IQCM: variants seen among roughly 807,000 people sequenced by gnomAD.
IQCM encodes IQ motif containing M.
In IQCM, 45 loss-of-function variants were observed where a neutral mutation model predicts 57.6. The observed-to-expected ratio is 0.78, with a 90% CI of 0.62 to 1.00. The LOEUF (loss-of-function observed/expected upper bound fraction) is 1.00, where lower values mean the gene tolerates loss of function less well. IQCM is among the 50% of genes least tolerant of loss of function. The probability of loss-of-function intolerance (pLI) is 0.00; values close to 1 mark genes in which losing one functional copy is unlikely to be tolerated. For synonymous variants in IQCM, 148 were observed against 158.9 expected, an observed-to-expected ratio of 0.93 and a Z score of 0.51; for missense variants, 468 against 511.6, an observed-to-expected ratio of 0.91 and a Z score of 0.82.
intron 7 of IQCM, among the ~76,000 whole-genome samples, chr4:149,678,393 CAG>C (rs1171433086): frequency 2.0e-5 from 3 of 151,800 alleles, no homozygotes; most frequent in African/African-American, 7.2e-5. Flanking sequence ...AGTGCTGAAA[CAG>C]AAAATCTATT....
intron 12 of IQCM, among the ~76,000 whole-genome samples, chr4:149,465,287 A>T (rs996685369): frequency 6.6e-6 from 1 of 152,212 alleles, no homozygotes; most frequent in Non-Finnish European, 1.5e-5. Flanking sequence ...AGCATAATTT[A>T]TATAAATAAT....
chr4:149,361,458 C>T (rs150125429), intron 13 of IQCM, among the ~76,000 whole-genome samples: 2,820 of 152,184 alleles, frequency 0.019, 105 homozygotes, highest in African/African-American at 0.065. Flanking sequence ...CCTGGAGGCC[C>T]AGGAGGAAAA....
intron 12 of IQCM, among the ~76,000 whole-genome samples, chr4:149,537,015 A>G (rs1284827131): frequency 6.6e-6 from 1 of 152,062 alleles, no homozygotes; most frequent in Non-Finnish European, 1.5e-5. Flanking sequence ...TTGTAACAAC[A>G]AAGTATCTAA....
rs191723287 is a variant in IQCM, at chr4:149,560,021, T to C, written c.948+3671A>G. Among the ~76,000 whole-genome samples, 6 of 152,302 alleles carry C rather than the reference T, an allele frequency of 3.9e-5. No homozygotes were observed. The East Asian group carries it at 1.2e-3, about 29-fold the overall frequency. ...AAGCAGAACAGTTTCATCCTGAAAATATCCCTGCCCCTGCTCTGGTCCATG... is the reference window on the plus strand; with the variant it reads ...AAGCAGAACAGTTTCATCCTGAAAACATCCCTGCCCCTGCTCTGGTCCATG... On this transcript the variant is annotated intron_variant, in intron 10 of 13. Transcript: ENST00000636793.
At chr4:149,526,062 T>G (rs1746129494) in intron 12 of IQCM, among the ~76,000 whole-genome samples, 1 of 151,916 alleles carries the variant, frequency 6.6e-6, no homozygotes, top group Non-Finnish European at 1.5e-5. Flanking sequence ...CATTGGGAAT[T>G]TAGAAATAAA....
At chr4:149,465,093 G>T (rs1459369639) in intron 12 of IQCM, among the ~76,000 whole-genome samples, 1 of 152,052 alleles carries the variant, frequency 6.6e-6, no homozygotes, top group African/African-American at 2.4e-5. Context: ...TTAACAACAG[G>T]ATTGATAACA....
chr4:149,535,821 G>A (rs1399920216), intron 12 of IQCM, among the ~76,000 whole-genome samples: 1 of 152,000 alleles, frequency 6.6e-6, no homozygotes, highest in Non-Finnish European at 1.5e-5. Flanking sequence ...ATGACTGTAG[G>A]GTAAGACAGG....
chr4:149,776,193 T>C (rs1042091190), intron 2 of IQCM, among the ~76,000 whole-genome samples: 2 of 152,066 alleles, frequency 1.3e-5, no homozygotes, highest in African/African-American at 2.4e-5. Flanking sequence ...ATAACAGACA[T>C]AAATGTCCAA....
chr4:149,564,574 G>A (rs772055676), intron 9 of IQCM, among the ~76,000 whole-genome samples: 1 of 152,164 alleles, frequency 6.6e-6, no homozygotes, highest in Non-Finnish European at 1.5e-5. Flanking sequence ...CTTAATCTGG[G>A]TGGGCACAAT....
intron 10 of IQCM, among the ~76,000 whole-genome samples, chr4:149,557,762 G>A (rs1333912415): frequency 1.3e-5 from 2 of 152,144 alleles, no homozygotes; most frequent in Non-Finnish European, 2.9e-5. Context: ...ATCTTGTCAA[G>A]TAAATTAGAA....
Position 149,454,618 on chromosome 4 carries a change from A to G in IQCM, c.1229-21061T>C, listed in dbSNP as rs538051901. 4.9e-4 allele frequency among the ~76,000 whole-genome samples: 74 copies of G among 152,152 alleles called. 1 individual carries two copies. In the South Asian group the frequency reaches 0.015, roughly 32 times the overall value. ...GCACATGTTCCTCTGAAACTAAAAT[A>G]AAAGGTTTTTTTAAAAAATGTGGTT... On this transcript the variant is annotated intron_variant, in intron 12 of 13. Transcript: ENST00000636793.
Position 149,446,920 on chromosome 4 carries a change from A to G in IQCM, c.1229-13363T>C, listed in dbSNP as rs548358494. Among the ~76,000 whole-genome samples the G allele has an allele frequency of 6.5e-4, 99 of 151,662 alleles. No individual in the cohort carries two copies. In the Middle Eastern group the frequency reaches 0.01, roughly 16 times the overall value. Reference sequence around the variant, plus strand: ...AAATGTTAACTCACGATGTTAAAAGAGCAAAAATCTAAAATAATTCATTTA... The same window carrying G: ...AAATGTTAACTCACGATGTTAAAAGGGCAAAAATCTAAAATAATTCATTTA... On this transcript the variant is annotated intron_variant, in intron 12 of 13. Coordinates refer to ENST00000636793, the MANE Select transcript of IQCM (RefSeq NM_001363507.2).
rs543465911 is a variant in IQCM, at chr4:149,776,429, T to C, written c.-48-33690A>G. ...GTTCAATGCTTGAACTTAGGTTTTCTAATTTCAAATCTAATATCTTTCCAC... is the reference window on the plus strand; with the variant it reads ...GTTCAATGCTTGAACTTAGGTTTTCCAATTTCAAATCTAATATCTTTCCAC... On this transcript the variant is annotated intron_variant, in intron 2 of 13. Coordinates refer to ENST00000636793, the MANE Select transcript of IQCM (RefSeq NM_001363507.2). 2.6e-4 allele frequency among the ~76,000 whole-genome samples: 40 copies of C among 152,312 alleles called. No homozygotes were observed. In the South Asian group the frequency reaches 7.5e-3, roughly 28 times the overall value.
intron 12 of IQCM, among the ~76,000 whole-genome samples, chr4:149,506,616 A>G (rs1743841794): frequency 6.6e-6 from 1 of 152,214 alleles, no homozygotes; most frequent in South Asian, 2.1e-4. Flanking sequence ...CTAAACGTGT[A>G]TCACTCAAAT....
chr4:149,414,363 G>A (rs1733596143), intron 13 of IQCM, among the ~76,000 whole-genome samples: 1 of 152,100 alleles, frequency 6.6e-6, no homozygotes, highest in South Asian at 2.1e-4. Context: ...AGGAGTAAGA[G>A]ATTTCCTTTC....
chr4:149,437,973 A>G (rs1246603981), intron 12 of IQCM, among the ~76,000 whole-genome samples: 1 of 152,064 alleles, frequency 6.6e-6, no homozygotes, highest in Admixed American at 6.6e-5. Context: ...GCCAGCCCAG[A>G]CACAATACTT....
At chr4:149,475,351 T>C (rs543135257) in intron 12 of IQCM, among the ~76,000 whole-genome samples, 3 of 152,174 alleles carry the variant, frequency 2.0e-5, no homozygotes, top group East Asian at 3.9e-4. Flanking sequence ...TTAACTAAGA[T>C]GGGTAAGAAT....
intron 12 of IQCM, among the ~76,000 whole-genome samples, chr4:149,450,104 G>T (rs1049345298): frequency 6.6e-6 from 1 of 151,714 alleles, no homozygotes; most frequent in African/African-American, 2.4e-5. Flanking sequence ...AACATATACT[G>T]GGGAAAAGAC....
intron 5 of IQCM, among the ~76,000 whole-genome samples, chr4:149,705,901 GGA>G (rs1300182917): frequency 8.8e-5 from 13 of 147,426 alleles, no homozygotes; most frequent in Non-Finnish European, 1.2e-4. Context: ...CTTCCCAACT[GGA>G]GAAGACACAA....
Sources: gnomAD v4.1 joint callset for allele counts (sites outside exome capture counted in the v4.1 genomes callset) on GRCh38, gnomAD v4.1.1 for gene constraint, MANE v1.5 for transcripts, NCBI Gene and HGNC (gene_info 2026-07-23, HGNC 2026-07-21) for gene names.